Variants in VOPP1 observed in about 807,000 individuals in gnomAD.
VOPP1 encodes the protein VOPP1 WW domain binding protein.
In VOPP1, 8 loss-of-function variants were observed where a neutral mutation model predicts 23.5. That is an observed-to-expected ratio of 0.34 (90% CI 0.20 to 0.61). The LOEUF (loss-of-function observed/expected upper bound fraction) is 0.61. VOPP1 is among the 20% of genes least tolerant of loss of function. VOPP1 has a pLI of 0.78. For synonymous variants in VOPP1, 83 were observed against 97.3 expected (o/e 0.85, Z 0.86); for missense variants, 174 against 238.1 (o/e 0.73, Z 1.77).
At chr7:55,521,005 TA>T (rs1473354799) in intron 2 of VOPP1, 66 bp downstream of exon 2, 1 of 1,517,680 alleles carries the variant, frequency 6.6e-7, no homozygotes, top group African/African-American at 1.4e-5. Context: ...CCCAGAACTT[TA>T]GCAAGACAAT....
At chr7:55,507,417 AT>A (rs199545458) in intron 2 of VOPP1, among the ~76,000 whole-genome samples, 2,289 of 151,202 alleles carry the variant, frequency 0.015, 66 homozygotes, top group African/African-American at 0.051. Flanking sequence ...GAGCAGGTAT[AT>A]TTTTTTTTAA....
At chr7:55,553,568 G>A (rs928315934) in intron 1 of VOPP1, among the ~76,000 whole-genome samples, 1 of 151,810 alleles carries the variant, frequency 6.6e-6, no homozygotes, top group African/African-American at 2.4e-5. Context: ...TACAAATTAG[G>A]GGTCAAAAGT....
chr7:55,516,921 TATATATATA>T (rs1413440657), intron 2 of VOPP1, among the ~76,000 whole-genome samples: 33 of 38,088 alleles, frequency 8.7e-4, no homozygotes, highest in South Asian at 1.8e-3. Flanking sequence ...TATATATATA[TATATATATA>T]TATTTTTTTT....
intron 1 of VOPP1, among the ~76,000 whole-genome samples, chr7:55,564,187 G>A (rs182961785): frequency 2.7e-5 from 4 of 150,236 alleles, no homozygotes; most frequent in African/African-American, 9.7e-5. Context: ...GGGGAACTAG[G>A]AACTAGGAGC....
At chr7:55,448,612 AGCCTG>A (rs142835165) in intron 4 of VOPP1, among the ~76,000 whole-genome samples, 23,347 of 152,212 alleles carry the variant, frequency 0.15, 2,042 homozygotes, top group Middle Eastern at 0.27. Context: ...CATCTTGCAT[AGCCTG>A]GAATCCTCCG....
intron 1 of VOPP1, among the ~76,000 whole-genome samples, chr7:55,526,104 C>A (rs1796178891): frequency 6.6e-6 from 1 of 152,224 alleles, no homozygotes; most frequent in African/African-American, 2.4e-5. Flanking sequence ...AGACAATACG[C>A]AGAGCCACAT....
In VOPP1 at chr7:55,572,274, C is replaced by G. The variant is rs1422054135; in HGVS notation, c.51G>C (p.Leu17Phe). Reference protein sequence around the residue: ...KVAALLLGLLLECTEAKKHCW... With the variant: ...KVAALLLGLLFECTEAKKHCW... ...GCACCCGGTCCCCGGCCCCTACCTC[C>G]AAGAGCAGCCCGAGCAGCAGCGCCG... Residue 17 changes from leucine to phenylalanine, a missense_variant, in exon 1 of 5, where the codon TTG becomes TTC. Physicochemically the swap from Leu to Phe is conservative, Grantham distance 22. Coordinates refer to ENST00000285279, the MANE Select transcript of VOPP1 (RefSeq NM_030796.5). The G allele has an allele frequency of 1.0e-5, 16 of 1,525,352 alleles. No individual in the cohort carries two copies. In the East Asian group the frequency reaches 4.0e-4, roughly 38 times the overall value. 94.5% of individuals were successfully genotyped at this position (1,525,352 alleles called of 1,614,324 possible).
At chr7:55,498,681 T>TAAAGG (rs1794154826) in intron 2 of VOPP1, among the ~76,000 whole-genome samples, 1 of 152,130 alleles carries the variant, frequency 6.6e-6, no homozygotes, top group South Asian at 2.1e-4. Flanking sequence ...TTTTTTTCCT[T>TAAAGG]TAAAAAAAAG....
intron 2 of VOPP1, among the ~76,000 whole-genome samples, chr7:55,517,538 C>T (rs1795543960): frequency 1.3e-5 from 2 of 152,316 alleles, no homozygotes; most frequent in African/African-American, 2.4e-5. Flanking sequence ...GCATCCCCAC[C>T]GCCTGAGGCC....
Position 55,507,488 on chromosome 7 carries a change from C to CGT in VOPP1, c.114-9799_114-9798insAC, listed in dbSNP as rs370484981. Among the ~76,000 whole-genome samples the CGT allele has an allele frequency of 5.3e-3, 800 of 152,244 alleles. 8 individuals are homozygous for CGT. The highest frequency in any genetic ancestry group is 0.018 in the African/African-American group (749 of 41,520). ...CTGTGTACAATCTGATGAGTTTGGT[C>CGT]ATATGCAAACACCCAAGATACCACC... On this transcript the variant is annotated intron_variant, in intron 2 of 4. Coordinates refer to ENST00000285279, the MANE Select transcript of VOPP1 (RefSeq NM_030796.5).
chr7:55,533,309 C>A (rs1252526402), intron 1 of VOPP1, among the ~76,000 whole-genome samples: 1 of 152,144 alleles, frequency 6.6e-6, no homozygotes, highest in Non-Finnish European at 1.5e-5. Flanking sequence ...AAAGGCAGTG[C>A]CCAAGGACAG....
intron 2 of VOPP1, among the ~76,000 whole-genome samples, chr7:55,505,765 A>G (rs1794684388): frequency 6.6e-6 from 1 of 152,054 alleles, no homozygotes; most frequent in Non-Finnish European, 1.5e-5. Context: ...AGTCAATGCT[A>G]AAGTATTGAT....
intron 4 of VOPP1, among the ~76,000 whole-genome samples, chr7:55,448,238 A>G (rs1214705524): frequency 1.3e-5 from 2 of 152,246 alleles, no homozygotes; most frequent in African/African-American, 2.4e-5. Flanking sequence ...AGCATTATTT[A>G]TAATAGAGAA....
intron 1 of VOPP1, among the ~76,000 whole-genome samples, chr7:55,570,505 A>T (rs1051539294): frequency 3.9e-5 from 6 of 152,216 alleles, no homozygotes; most frequent in Admixed American, 1.3e-4. Context: ...GCAACGAAAC[A>T]GCTATTTTGG....
intron 2 of VOPP1, among the ~76,000 whole-genome samples, chr7:55,516,932 A>ATATAT (rs1562947689): frequency 2.2e-5 from 1 of 45,156 alleles, no homozygotes; most frequent in African/African-American, 1.2e-4. Context: ...ATATATATAT[A>ATATAT]TTTTTTTTTT....
At chr7:55,449,629 C>T (rs1791192525) in intron 4 of VOPP1, among the ~76,000 whole-genome samples, 1 of 152,224 alleles carries the variant, frequency 6.6e-6, no homozygotes, top group Non-Finnish European at 1.5e-5. Flanking sequence ...CTGCCCCTCC[C>T]TGTGACTGGC....
chr7:55,534,979 G>A (rs757610391), intron 1 of VOPP1, among the ~76,000 whole-genome samples: 1 of 152,218 alleles, frequency 6.6e-6, no homozygotes, highest in Non-Finnish European at 1.5e-5. Flanking sequence ...TTGCTGATGG[G>A]AGAAGAGGAG....
At chr7:55,534,148 C>T (rs1228589667) in intron 1 of VOPP1, among the ~76,000 whole-genome samples, 8 of 73,368 alleles carry the variant, frequency 1.1e-4, no homozygotes, top group Admixed American at 1.4e-4. Flanking sequence ...TTTTTTTTTA[C>T]GAGATGGAGA....
chr7:55,448,322 AAC>A (rs1791152146), intron 4 of VOPP1, among the ~76,000 whole-genome samples: 1 of 152,230 alleles, frequency 6.6e-6, no homozygotes, highest in Non-Finnish European at 1.5e-5. Context: ...AATGAAACAA[AAC>A]ACATGGTAAA....
Sources: allele counts gnomAD v4.1 joint callset (sites outside exome capture counted in the v4.1 genomes callset), GRCh38; gene constraint gnomAD v4.1.1; transcripts MANE v1.5; gene names NCBI Gene and HGNC (gene_info 2026-07-23, HGNC 2026-07-21).